Variants in TGFB2 observed in about 807,000 individuals in gnomAD.
The protein encoded by TGFB2 is transforming growth factor beta 2.
TGFB2 carries 13 observed loss-of-function variants against 42.7 expected under a neutral mutation model. The observed-to-expected ratio is 0.30, with a 90% CI of 0.20 to 0.48. TGFB2 has a LOEUF of 0.48. Among genes scored for constraint, TGFB2 ranks in the 20% least tolerant of loss-of-function variants. The pLI is 0.99. For synonymous variants in TGFB2, 193 were observed against 193.6 expected, an observed-to-expected ratio of 1.00 and a Z score of 0.03; for missense variants, 390 against 517.5, an observed-to-expected ratio of 0.75 and a Z score of 2.39.
chr1:218,379,225 C>G (rs938258063), intron 1 of TGFB2, among the ~76,000 whole-genome samples: 1 of 151,350 alleles, frequency 6.6e-6, no homozygotes. Flanking sequence ...CTCCGCCTCC[C>G]GGGTTCACGC....
chr1:218,437,052 G>C (rs1244690759), intron 5 of TGFB2, among the ~76,000 whole-genome samples: 2 of 152,154 alleles, frequency 1.3e-5, no homozygotes, highest in Non-Finnish European at 2.9e-5. Flanking sequence ...GCTTATATCT[G>C]GTCATCTGAA....
intron 2 of TGFB2, among the ~76,000 whole-genome samples, chr1:218,421,382 T>A: frequency 6.6e-6 from 1 of 151,204 alleles, no homozygotes; most frequent in Admixed American, 6.6e-5. Flanking sequence ...AGTTTTTTTT[T>A]TTTTTTATCA....
intron 1 of TGFB2, among the ~76,000 whole-genome samples, chr1:218,387,534 C>G (rs1658177492): frequency 6.6e-6 from 1 of 152,094 alleles, no homozygotes; most frequent in Non-Finnish European, 1.5e-5. Context: ...TCTCTCCTAG[C>G]CTTGGATGGA....
chr1:218,439,696 C>T (rs1382830713), intron 6 of TGFB2, among the ~76,000 whole-genome samples: 2 of 152,162 alleles, frequency 1.3e-5, no homozygotes, highest in Non-Finnish European at 2.9e-5. Context: ...GCCAGGCTGC[C>T]TCCTCTGGGC....
At chr1:218,380,716 TG>T (rs1010486152) in intron 1 of TGFB2, among the ~76,000 whole-genome samples, 7 of 151,140 alleles carry the variant, frequency 4.6e-5, no homozygotes, top group African/African-American at 1.2e-4. Context: ...ATGAATAGAG[TG>T]GGGGTGGGTC....
chr1:218,389,237 C>T (rs1658239168), intron 1 of TGFB2, among the ~76,000 whole-genome samples: 1 of 152,130 alleles, frequency 6.6e-6, no homozygotes, highest in Admixed American at 6.5e-5. Flanking sequence ...TGTTATGTGA[C>T]TTAGCTGTTT....
chr1:218,384,740 A>G (rs1002104647), intron 1 of TGFB2, among the ~76,000 whole-genome samples: 3 of 152,196 alleles, frequency 2.0e-5, no homozygotes, highest in African/African-American at 7.2e-5. Context: ...TGGACAGTCC[A>G]TTCACACCCC....
At chr1:218,376,647 G>A (rs1657752822) in intron 1 of TGFB2, among the ~76,000 whole-genome samples, 1 of 152,124 alleles carries the variant, frequency 6.6e-6, no homozygotes, top group South Asian at 2.1e-4. Flanking sequence ...ACCTAAGTGG[G>A]ATGAATCCAG....
At chr1:218,433,167 C>T (rs1333582770) in intron 2 of TGFB2, among the ~76,000 whole-genome samples, 5 of 152,218 alleles carry the variant, frequency 3.3e-5, no homozygotes, top group Non-Finnish European at 4.4e-5. Flanking sequence ...CTCCCGGGTT[C>T]GGGTGATTGT....
chr1:218,414,811 G>A (rs1196400519), intron 2 of TGFB2, among the ~76,000 whole-genome samples: 1 of 152,104 alleles, frequency 6.6e-6, no homozygotes, highest in Non-Finnish European at 1.5e-5. Flanking sequence ...AGTGATTACT[G>A]TGTGCTAAGG....
chr1:218,399,698 A>G (rs905429364), intron 1 of TGFB2, among the ~76,000 whole-genome samples: 1 of 152,116 alleles, frequency 6.6e-6, no homozygotes, highest in Admixed American at 6.5e-5. Flanking sequence ...GTGGAAAGGA[A>G]TTAGAGTATA....
intron 1 of TGFB2, among the ~76,000 whole-genome samples, chr1:218,380,083 A>G (rs1464430849): frequency 1.3e-5 from 2 of 152,224 alleles, no homozygotes; most frequent in Non-Finnish European, 2.9e-5. Flanking sequence ...AAACCAAGGC[A>G]GAGAGAGATT....
At chr1:218,431,211 G>A (rs1659796554) in intron 2 of TGFB2, among the ~76,000 whole-genome samples, 1 of 152,212 alleles carries the variant, frequency 6.6e-6, no homozygotes, top group Non-Finnish European at 1.5e-5. Context: ...TTTCACCCAA[G>A]TGAGAGGATG....
intron 2 of TGFB2, among the ~76,000 whole-genome samples, chr1:218,422,190 C>G (rs1284382048): frequency 6.6e-6 from 1 of 151,584 alleles, no homozygotes; most frequent in Admixed American, 6.6e-5. Flanking sequence ...TTCTTTCTTT[C>G]TTTCTTCTTG....
chr1:218,382,207 G>C (rs984938922), intron 1 of TGFB2, among the ~76,000 whole-genome samples: 1 of 152,216 alleles, frequency 6.6e-6, no homozygotes, highest in Non-Finnish European at 1.5e-5. Flanking sequence ...GCTCAAAGCT[G>C]TCTTCCAAGG....
intron 1 of TGFB2, among the ~76,000 whole-genome samples, chr1:218,349,705 C>A (rs74143048): frequency 0.052 from 7,981 of 152,248 alleles, 704 homozygotes; most frequent in African/African-American, 0.18. Flanking sequence ...GTTCAGACTA[C>A]ATATTTTTAG....
chr1:218,381,667 A>G (rs1657966247), intron 1 of TGFB2, among the ~76,000 whole-genome samples: 1 of 152,220 alleles, frequency 6.6e-6, no homozygotes, highest in South Asian at 2.1e-4. Context: ...ACCAGTGACA[A>G]GATCACAAAT....
At chr1:218,422,686 T>C (rs1659496470) in intron 2 of TGFB2, among the ~76,000 whole-genome samples, 2 of 152,214 alleles carry the variant, frequency 1.3e-5, no homozygotes, top group African/African-American at 4.8e-5. Flanking sequence ...CTGTAACATT[T>C]CCTGGTAACC....
chr1:218,403,335 T>A (rs1322867543), intron 1 of TGFB2, among the ~76,000 whole-genome samples: 2 of 152,200 alleles, frequency 1.3e-5, no homozygotes, highest in Non-Finnish European at 2.9e-5. Context: ...TCCGTGGGCC[T>A]GTGTGCTGAG....
Sources: allele counts gnomAD v4.1 joint callset (sites outside exome capture counted in the v4.1 genomes callset), GRCh38; gene constraint gnomAD v4.1.1; transcripts MANE v1.5; gene names NCBI Gene and HGNC (gene_info 2026-07-23, HGNC 2026-07-21).